SCLT1: variants seen among roughly 807,000 people sequenced by gnomAD.
SCLT1 encodes the protein sodium channel-associated protein 1.
In SCLT1, 78 loss-of-function variants were observed where a neutral mutation model predicts 112.8. The observed-to-expected ratio is 0.69, with a 90% CI of 0.58 to 0.83. The LOEUF is 0.83. SCLT1 is among the 40% of genes least tolerant of loss of function. SCLT1 has a pLI of 0.00. For synonymous variants in SCLT1, 257 were observed against 254.7 expected (o/e 1.01, Z -0.09); for missense variants, 747 against 770.4 (o/e 0.97, Z 0.36).
chr4:128,977,142 G>T (rs1022667952), intron 9 of SCLT1, among the ~76,000 whole-genome samples: 1 of 152,192 alleles, frequency 6.6e-6, no homozygotes, highest in African/African-American at 2.4e-5. Context: ...TTCTGAGAGA[G>T]ATGGTGTAGA....
At chr4:129,053,674 G>C (rs535053027) in intron 2 of SCLT1, among the ~76,000 whole-genome samples, 1 of 146,026 alleles carries the variant, frequency 6.8e-6, no homozygotes, top group Admixed American at 7.0e-5. Context: ...GTCTCCTGAA[G>C]ACAGCGGACT....
intron 9 of SCLT1, among the ~76,000 whole-genome samples, chr4:128,980,475 G>A (rs950331401): frequency 7.9e-5 from 12 of 152,128 alleles, no homozygotes; most frequent in Admixed American, 7.2e-4. Context: ...GATTTAATAT[G>A]ATAGAGCAAT....
At chr4:128,876,721 T>A (rs1302522332) in intron 3 of SCLT1, 5 of 152,240 alleles carry the variant, frequency 3.3e-5, no homozygotes, top group Non-Finnish European at 7.3e-5. Context: ...CTTACTCAGT[T>A]TGGTATTTCT....
intron 9 of SCLT1, among the ~76,000 whole-genome samples, chr4:128,977,684 A>T (rs774859257): frequency 6.6e-6 from 1 of 152,166 alleles, no homozygotes; most frequent in South Asian, 2.1e-4. Flanking sequence ...AATAAATGAA[A>T]GAATATGAGA....
rs572560518 is a variant in SCLT1, at chr4:128,943,115, T to C, written c.1513A>G (p.Asn505Asp). 1.2e-4 allele frequency: 193 copies of C among 1,611,768 alleles called. No homozygotes were observed. Among genetic ancestry groups the C allele is most frequent in the Non-Finnish European group, 1.6e-4 (187 of 1,178,312 alleles). Residue 505 changes from asparagine to aspartate, a missense_variant, in exon 17 of 21, where the codon AAC becomes GAC. Physicochemically the swap from Asn to Asp is conservative, Grantham distance 23 (BLOSUM62 1). Coordinates refer to ENST00000281142, the MANE Select transcript of SCLT1 (RefSeq NM_144643.4). ...CTTTGTTCACTGACAAGCCCACAGT[T>C]CTCTCTCTCAGACTCCAATACATTT... ...LQNVLESERE[N>D]CGLVSEQRLK...
At chr4:129,052,629 A>G (rs1029641755) in intron 2 of SCLT1, among the ~76,000 whole-genome samples, 1 of 147,124 alleles carries the variant, frequency 6.8e-6, no homozygotes, top group South Asian at 2.2e-4. Flanking sequence ...TTTCTTCTTT[A>G]TTAGTTTGGC....
intron 16 of SCLT1, chr4:128,944,617 C>T (rs1001153327): frequency 5.3e-5 from 8 of 152,130 alleles, no homozygotes; most frequent in African/African-American, 1.9e-4. Context: ...GCACTCCAAA[C>T]ATTCCTGAAA....
At chr4:129,059,969 A>G (rs1749803656) in intron 2 of SCLT1, among the ~76,000 whole-genome samples, 1 of 152,128 alleles carries the variant, frequency 6.6e-6, no homozygotes, top group Admixed American at 6.5e-5. Flanking sequence ...CTCCTTCTGG[A>G]AAGCCCATAA....
At chr4:129,023,399 C>A (rs1486851103) in intron 5 of SCLT1, among the ~76,000 whole-genome samples, 1 of 152,078 alleles carries the variant, frequency 6.6e-6, no homozygotes, top group Non-Finnish European at 1.5e-5. Context: ...ATTCAGGAGA[C>A]CTATCTCACG....
chr4:129,064,851 T>C (rs1312007403), intron 2 of SCLT1, among the ~76,000 whole-genome samples: 5 of 152,134 alleles, frequency 3.3e-5, no homozygotes, highest in Non-Finnish European at 7.4e-5. Context: ...AAACAAATTA[T>C]AAGTAATTTG....
At chr4:128,895,819 A>G (rs1393544027) in intron 18 of SCLT1, among the ~76,000 whole-genome samples, 1 of 152,222 alleles carries the variant, frequency 6.6e-6, no homozygotes, top group African/African-American at 2.4e-5. Flanking sequence ...GCACCTGGAA[A>G]ATCGGGTCAC....
At chr4:128,967,607 G>A (rs1186835235) in intron 10 of SCLT1, among the ~76,000 whole-genome samples, 1 of 152,104 alleles carries the variant, frequency 6.6e-6, no homozygotes, top group Admixed American at 6.5e-5. Flanking sequence ...CTAACTCATA[G>A]TGTTGAGCAT....
intron 12 of SCLT1, among the ~76,000 whole-genome samples, chr4:128,957,391 A>G (rs1029428144): frequency 7.9e-5 from 12 of 152,240 alleles, no homozygotes; most frequent in Non-Finnish European, 1.5e-4. Context: ...TCTTAAAACC[A>G]TTGTTGAATT....
At chr4:128,983,036 A>G (rs1198524586) in intron 9 of SCLT1, among the ~76,000 whole-genome samples, 1 of 151,728 alleles carries the variant, frequency 6.6e-6, no homozygotes, top group Non-Finnish European at 1.5e-5. Flanking sequence ...TTATAGGCAT[A>G]TGCCACCACG....
intron 16 of SCLT1, among the ~76,000 whole-genome samples, chr4:128,943,725 C>G (rs887981236): frequency 6.6e-6 from 1 of 152,076 alleles, no homozygotes; most frequent in East Asian, 1.9e-4. Context: ...CCTGAACTGT[C>G]TCAACAATGG....
In SCLT1 at chr4:128,904,402, G is replaced by T. The variant is rs571517282; in HGVS notation, c.1830-13265C>A. Among the ~76,000 whole-genome samples, 7 of 152,174 alleles carry T rather than the reference G, an allele frequency of 4.6e-5. No homozygotes were observed. The South Asian group carries it at 1.2e-3, about 27-fold the overall frequency. On this transcript the variant is annotated intron_variant, in intron 18 of 20. Coordinates refer to ENST00000281142, the MANE Select transcript of SCLT1 (RefSeq NM_144643.4). ...AAATGTAATTTCTGTGTAAGTAAAA[G>T]TTTACTAAGTAATTTACATATGAAG...
At chr4:129,091,408 CTTATT>C (rs1010345707) in intron 1 of SCLT1, among the ~76,000 whole-genome samples, 1 of 151,856 alleles carries the variant, frequency 6.6e-6, no homozygotes, top group African/African-American at 2.4e-5. Flanking sequence ...CTTCAGTTGT[CTTATT>C]TGTTTTCCCC....
intron 11 of SCLT1, among the ~76,000 whole-genome samples, chr4:128,962,419 C>G (rs1431188797): frequency 6.6e-6 from 1 of 152,162 alleles, no homozygotes; most frequent in Non-Finnish European, 1.5e-5. Flanking sequence ...ACTCAAATAT[C>G]TGCCTCAAAT....
intron 13 of SCLT1, among the ~76,000 whole-genome samples, chr4:128,956,402 C>T (rs1190351193): frequency 6.6e-6 from 1 of 152,014 alleles, no homozygotes; most frequent in African/African-American, 2.4e-5. Flanking sequence ...AAAGACAGAG[C>T]TCCTGCAGAA....
Sources: gnomAD v4.1 joint callset for allele counts (sites outside exome capture counted in the v4.1 genomes callset) on GRCh38, gnomAD v4.1.1 for gene constraint, MANE v1.5 for transcripts, NCBI Gene and HGNC (gene_info 2026-07-23, HGNC 2026-07-21) for gene names.